The following SYNPO variants were observed in gnomAD, a reference collection of about 807,000 sequenced individuals.
SYNPO encodes synaptopodin.
SYNPO carries 19 observed loss-of-function variants against 49.5 expected under a neutral mutation model. That is an observed-to-expected ratio of 0.38 (90% CI 0.27 to 0.56). The LOEUF (loss-of-function observed/expected upper bound fraction) is 0.56, where lower values mean the gene tolerates loss of function less well. Among genes scored for constraint, SYNPO ranks in the 20% least tolerant of loss-of-function variants. The pLI, the probability that SYNPO is intolerant of heterozygous loss-of-function variation, is 0.68. For synonymous variants in SYNPO, 536 were observed against 548.0 expected (o/e 0.98, Z 0.31); for missense variants, 1,131 against 1,248.3 (o/e 0.91, Z 1.42).
At chr5:150,602,490 T>C (rs1756570508) in intron 1 of SYNPO, among the ~76,000 whole-genome samples, 1 of 152,184 alleles carries the variant, frequency 6.6e-6, no homozygotes, top group Admixed American at 6.5e-5. Flanking sequence ...AGCGGGTAGT[T>C]GGAAATAAAG....
chr5:150,608,621 A>G (rs1212046179), intron 1 of SYNPO: 1 of 152,060 alleles, frequency 6.6e-6, no homozygotes, highest in African/African-American at 2.4e-5. Flanking sequence ...TGGGGTCTGC[A>G]CTTTCCCCAT....
At chr5:150,596,020 G>T in the SYNPO span, among the ~76,000 whole-genome samples, 1 of 152,240 alleles carries the variant, frequency 6.6e-6, no homozygotes, top group Non-Finnish European at 1.5e-5. Flanking sequence ...AGGGCAGGTG[G>T]GTTGGGGGGA....
Position 150,650,437 on chromosome 5 carries a change from G to A in SYNPO, c.2028+134G>A, listed in dbSNP as rs953289107. 6.5e-6 allele frequency: 10 copies of A among 1,546,608 alleles called. No homozygotes were observed. The South Asian group carries it at 1.1e-4, about 17-fold the overall frequency. On this transcript the variant is annotated intron_variant, in intron 2 of 2. Coordinates refer to ENST00000307662, the MANE Select transcript of SYNPO (RefSeq NM_007286.6). ...GCACAGAGCTGAGTGAGGAGAATGG[G>A]GAGTCCATGGTTCAAGGTCAGATGC...
chr5:150,586,529 G>T, the SYNPO span, among the ~76,000 whole-genome samples: 2 of 152,042 alleles, frequency 1.3e-5, no homozygotes, highest in African/African-American at 4.8e-5. Flanking sequence ...TGGGTAGGTA[G>T]GTGGATAAAT....
chr5:150,588,030 C>T, the SYNPO span, among the ~76,000 whole-genome samples: 2 of 152,202 alleles, frequency 1.3e-5, no homozygotes, highest in Non-Finnish European at 2.9e-5. Context: ...GGATGAACGC[C>T]AGGCCCCTAG....
At chr5:150,595,177 A>G in the SYNPO span, among the ~76,000 whole-genome samples, 1 of 152,214 alleles carries the variant, frequency 6.6e-6, no homozygotes, top group Non-Finnish European at 1.5e-5. Flanking sequence ...GGGATTAAGC[A>G]AGAACTTCAT....
chr5:150,613,686 C>G (rs1432172841), intron 1 of SYNPO, among the ~76,000 whole-genome samples: 3 of 152,156 alleles, frequency 2.0e-5, no homozygotes, highest in Non-Finnish European at 4.4e-5. Flanking sequence ...GAGCCATGGG[C>G]AGTGGGGCCT....
chr5:150,588,441 G>C, the SYNPO span, among the ~76,000 whole-genome samples: 1 of 152,128 alleles, frequency 6.6e-6, no homozygotes, highest in Non-Finnish European at 1.5e-5. Flanking sequence ...CCCTCCCCCA[G>C]AGCCAGCCTC....
intron 2 of SYNPO, among the ~76,000 whole-genome samples, chr5:150,634,857 CA>C (rs1757658591): frequency 1.5e-5 from 1 of 65,618 alleles, no homozygotes; most frequent in Non-Finnish European, 2.9e-5. Context: ...CACACACACA[CA>C]CACACCACAC....
upstream of SYNPO, among the ~76,000 whole-genome samples, chr5:150,637,822 A>G (rs987176752): frequency 8.5e-5 from 13 of 152,170 alleles, no homozygotes; most frequent in African/African-American, 2.9e-4. Context: ...GTCCTTTCCT[A>G]TAAGAAGGAA....
At chr5:150,646,796 A>C (rs2151419050) in intron 1 of SYNPO, among the ~76,000 whole-genome samples, 1 of 152,374 alleles carries the variant, frequency 6.6e-6, no homozygotes, top group East Asian at 1.9e-4. Context: ...TAAAAAAATT[A>C]GAGCACATTC....
At chr5:150,589,441 G>A in the SYNPO span, among the ~76,000 whole-genome samples, 129 of 152,248 alleles carry the variant, frequency 8.5e-4, 1 homozygote, top group East Asian at 0.019. Context: ...CCATATAGAC[G>A]CTCTGCACGT....
rs766112333 is a variant in SYNPO, at chr5:150,649,100, C to T, written c.825C>T (p.Pro275=). 8.1e-6 allele frequency: 13 copies of T among 1,613,844 alleles called. No homozygotes were observed. The East Asian group carries it at 2.2e-4, about 28-fold the overall frequency. Residue 275 remains proline (P), a synonymous_variant, in exon 2 of 3, where the codon CCC becomes CCT. Coordinates refer to ENST00000307662, the MANE Select transcript of SYNPO (RefSeq NM_007286.6). The part of the protein sequence containing the change: ...FGEKAPAPQP[P]SLPDRSPRPQ... ...AGAAGGCCCCGGCTCCCCAGCCCCCCAGTTTGCCAGACAGGAGCCCCCGGC... is the reference window on the plus strand; with the variant it reads ...AGAAGGCCCCGGCTCCCCAGCCCCCTAGTTTGCCAGACAGGAGCCCCCGGC...
chr5:150,656,897 C>G lies in SYNPO; in HGVS notation c.2522C>G (p.Pro841Arg), dbSNP rs753385773. The change falls in exon 3 of 3, where the codon CCG (proline) becomes CGG (arginine). Residue 841 changes from proline to arginine, a missense_variant. By Grantham distance (103) the Pro-to-Arg change is moderately radical (BLOSUM62 -2). Transcript: ENST00000307662. ...TCGTCCTGCACCAGTCCCCGGAGCC[C>G]GCTGCCCGCGCCTCCCAGGCCCTTC... is the stretch of plus-strand genomic sequence containing the variant. Reference protein sequence around the residue: ...GPSSCTSPRSPLPAPPRPFLY... With the variant: ...GPSSCTSPRSRLPAPPRPFLY... 1.3e-6 allele frequency: 2 copies of G among 1,575,800 alleles called. No homozygotes were observed. Among genetic ancestry groups the G allele is most frequent in the East Asian group, 2.4e-5 (1 of 42,248 alleles).
Position 150,648,389 on chromosome 5 carries a change from A to G in SYNPO, c.114A>G (p.Thr38=), listed in dbSNP as rs778987463. The G allele has an allele frequency of 1.9e-6, 3 of 1,614,186 alleles. No individual in the cohort carries two copies. The South Asian group carries it at 3.3e-5, about 18-fold the overall frequency. ...TAAAGGAGAATGCAGCACTGCTGAC[A>G]GCCAATGGGCTGCACCTGTCCCAAA... The part of the protein sequence containing the change: ...VYLKENAALL[T]ANGLHLSQNR... Residue 38 remains threonine, a synonymous_variant, in exon 2 of 3, where the codon ACA becomes ACG. Coordinates refer to ENST00000307662, the MANE Select transcript of SYNPO (RefSeq NM_007286.6). The surrounding 1 kb of genome is among the most constrained non-coding windows in gnomAD (Gnocchi z 5.0).
the SYNPO span, among the ~76,000 whole-genome samples, chr5:150,586,962 G>A: frequency 3.3e-5 from 5 of 152,116 alleles, no homozygotes; most frequent in South Asian, 2.1e-4. Flanking sequence ...ATGGATGCAC[G>A]GATGAGTATG....
intron 2 of SYNPO, chr5:150,652,022 AGT>A (rs1419764479): frequency 1.0e-6 from 1 of 1,000,424 alleles, no homozygotes; most frequent in African/African-American, 1.7e-5. Context: ...TGGTGGAGGC[AGT>A]GCCCATGCTG....
Position 150,650,274 on chromosome 5 carries a change from T to C in SYNPO, c.1999T>C (p.Ser667Pro). 6.2e-7 allele frequency: 1 copy of C among 1,614,096 alleles called. No homozygotes were observed. Among genetic ancestry groups the C allele is most frequent in the Non-Finnish European group, 8.5e-7 (1 of 1,180,048 alleles). The part of the protein sequence containing the change: ...RAKQAPRPSF[S>P]TRNAGIEAQD... ...CAAGCAGGCCCCCAGGCCCTCCTTC[T>C]CTACCCGGAACGCCGGGATCGAGGC... The change falls in exon 2 of 3, where the codon TCT (serine) becomes CCT (proline). Residue 667 changes from serine to proline, a missense_variant. Coordinates refer to ENST00000307662, the MANE Select transcript of SYNPO (RefSeq NM_007286.6).
intron 2 of SYNPO, among the ~76,000 whole-genome samples, chr5:150,625,076 T>C (rs1436948357): frequency 6.6e-6 from 1 of 152,182 alleles, no homozygotes; most frequent in East Asian, 1.9e-4. Flanking sequence ...GGCCTCAGTT[T>C]CCCCATCTGT....
Sources: gnomAD v4.1 joint callset for allele counts (sites outside exome capture counted in the v4.1 genomes callset) on GRCh38, gnomAD v4.1.1 for gene constraint, Gnocchi (gnomAD v3.1) non-coding constraint, MANE v1.5 for transcripts, NCBI Gene and HGNC (gene_info 2026-07-23, HGNC 2026-07-21) for gene names.